The following EFCAB5 variants were observed in gnomAD, a reference collection of about 807,000 sequenced individuals.
EFCAB5 encodes the protein EF-hand calcium-binding domain-containing protein 5.
A neutral mutation model predicts 167.9 loss-of-function variants in EFCAB5; 131 were observed. That is an observed-to-expected ratio of 0.78 (90% confidence interval 0.68 to 0.90). EFCAB5 has a LOEUF of 0.90. EFCAB5 is among the 40% of genes least tolerant of loss of function. EFCAB5 has a pLI of 0.00. For synonymous variants in EFCAB5, 574 were observed against 602.8 expected (o/e 0.95, Z 0.70); for missense variants, 1,663 against 1,745.2 (o/e 0.95, Z 0.84).
intron 7 of EFCAB5, among the ~76,000 whole-genome samples, chr17:30,008,831 T>C (rs1165778893): frequency 6.6e-6 from 1 of 152,176 alleles, no homozygotes; most frequent in Non-Finnish European, 1.5e-5. Context: ...CAAACTTGGT[T>C]GCTGAAAACA....
intron 7 of EFCAB5, among the ~76,000 whole-genome samples, chr17:30,012,816 C>T (rs2068938751): frequency 6.6e-6 from 1 of 152,148 alleles, no homozygotes; most frequent in South Asian, 2.1e-4. Context: ...GCCTGATTGC[C>T]CTGGCCAGAA....
At chr17:29,967,969 G>A (rs1179981017) in intron 3 of EFCAB5, among the ~76,000 whole-genome samples, 1 of 151,202 alleles carries the variant, frequency 6.6e-6, no homozygotes, top group Non-Finnish European at 1.5e-5. Flanking sequence ...CGACCTCCAG[G>A]GCTTAAGTGA....
chr17:29,933,899 G>GCC (rs779854541), intron 1 of EFCAB5, among the ~76,000 whole-genome samples: 45 of 152,206 alleles, frequency 3.0e-4, no homozygotes, highest in Non-Finnish European at 2.2e-4. Flanking sequence ...CATAGAAATA[G>GCC]TATTTGTACA....
intron 8 of EFCAB5, among the ~76,000 whole-genome samples, chr17:30,047,619 T>C (rs975456663): frequency 6.6e-6 from 1 of 152,170 alleles, no homozygotes; most frequent in African/African-American, 2.4e-5. Flanking sequence ...CACACTGTGG[T>C]TAGTTCCTGA....
intron 4 of EFCAB5, among the ~76,000 whole-genome samples, chr17:29,982,205 G>A (rs1047721383): frequency 1.3e-5 from 2 of 152,112 alleles, no homozygotes; most frequent in African/African-American, 4.8e-5. Flanking sequence ...AGGCCGAGGC[G>A]GATGGATCAC....
chr17:30,086,873 C>G (rs1042197733), intron 18 of EFCAB5, among the ~76,000 whole-genome samples, 190 bp from the exon 19 acceptor site: 1 of 151,508 alleles, frequency 6.6e-6, no homozygotes, highest in African/African-American at 2.4e-5. Flanking sequence ...ACCTGGGCAA[C>G]AAGAGTGAAA....
intron 9 of EFCAB5, among the ~76,000 whole-genome samples, chr17:30,052,778 G>A (rs1033922425): frequency 6.6e-6 from 1 of 152,160 alleles, no homozygotes; most frequent in African/African-American, 2.4e-5. Flanking sequence ...ACAAAGAAGA[G>A]GGAAAGAGAT....
chr17:30,040,830 A>G (rs2069750105), intron 8 of EFCAB5, among the ~76,000 whole-genome samples: 1 of 152,220 alleles, frequency 6.6e-6, no homozygotes, highest in Non-Finnish European at 1.5e-5. Flanking sequence ...TTACTCAGGC[A>G]TGTCTGGACA....
intron 7 of EFCAB5, among the ~76,000 whole-genome samples, chr17:30,012,293 C>T (rs576431062): frequency 1.3e-3 from 197 of 152,260 alleles, no homozygotes; most frequent in African/African-American, 4.4e-3. Flanking sequence ...TAGTCAGGCT[C>T]GCCCGCAGTT....
intron 22 of EFCAB5, among the ~76,000 whole-genome samples, chr17:30,095,062 C>T (rs773576962): frequency 2.6e-5 from 4 of 152,158 alleles, no homozygotes; most frequent in Non-Finnish European, 4.4e-5. Flanking sequence ...CTCACCTGGT[C>T]GTTCAGGATG....
intron 8 of EFCAB5, among the ~76,000 whole-genome samples, chr17:30,044,696 A>T (rs2069869981): frequency 6.6e-6 from 1 of 152,238 alleles, no homozygotes; most frequent in African/African-American, 2.4e-5. Context: ...GGAATGATAC[A>T]ACCACTTCAA....
At chr17:30,008,270 C>A (rs889337396) in intron 7 of EFCAB5, among the ~76,000 whole-genome samples, 84 of 152,070 alleles carry the variant, frequency 5.5e-4, no homozygotes, top group African/African-American at 1.9e-3. Flanking sequence ...GAGATCAAGA[C>A]TATTTTTTAT....
At chr17:30,027,127 C>T (rs991582251) in intron 7 of EFCAB5, among the ~76,000 whole-genome samples, 1 of 150,822 alleles carries the variant, frequency 6.6e-6, no homozygotes, top group Non-Finnish European at 1.5e-5. Context: ...GTTGGGACTA[C>T]AGGCGCTTGC....
intron 7 of EFCAB5, among the ~76,000 whole-genome samples, chr17:30,003,331 G>A (rs1203314868): frequency 3.3e-5 from 5 of 151,986 alleles, no homozygotes; most frequent in Non-Finnish European, 7.4e-5. Context: ...AACCTCCCAG[G>A]CCCAAGCCAT....
intron 19 of EFCAB5, among the ~76,000 whole-genome samples, chr17:30,088,463 T>C (rs2071131628): frequency 6.6e-6 from 1 of 152,224 alleles, no homozygotes; most frequent in South Asian, 2.1e-4. Context: ...CCCACCATGA[T>C]TATGAATAAT....
intron 22 of EFCAB5, among the ~76,000 whole-genome samples, chr17:30,097,058 ATATTTT>A (rs1265454593): frequency 1.6e-5 from 1 of 63,338 alleles, no homozygotes; most frequent in South Asian, 4.3e-4. Flanking sequence ...ACATATATAT[ATATTTT>A]TTTTTTTTTG....
chr17:30,078,586 T>C, intron 15 of EFCAB5, 82 bp downstream of exon 15: 1 of 1,406,488 alleles, frequency 7.1e-7, no homozygotes, highest in Non-Finnish European at 9.4e-7. Context: ...AGGAGCATCT[T>C]GAATTCTCTT....
At chr17:29,986,571 C>T (rs982687442) in intron 4 of EFCAB5, among the ~76,000 whole-genome samples, 2 of 151,530 alleles carry the variant, frequency 1.3e-5, no homozygotes, top group Non-Finnish European at 2.9e-5. Context: ...TTATTTCTGG[C>T]CAGGTCCAAT....
intron 12 of EFCAB5, among the ~76,000 whole-genome samples, chr17:30,057,282 C>T (rs577336045): frequency 6.6e-6 from 1 of 152,136 alleles, no homozygotes; most frequent in Non-Finnish European, 1.5e-5. Flanking sequence ...ACAAAAATGG[C>T]CATGAAAGCA....
Sources: allele counts gnomAD v4.1 joint callset (sites outside exome capture counted in the v4.1 genomes callset), GRCh38; gene constraint gnomAD v4.1.1; transcripts MANE v1.5; gene names NCBI Gene and HGNC (gene_info 2026-07-23, HGNC 2026-07-21).